The following ATXN7L1 variants were observed in gnomAD, a reference collection of about 807,000 sequenced individuals.
ATXN7L1 encodes ataxin 7 like 1, also known as ataxin-7-like protein 1.
ATXN7L1 carries 15 observed loss-of-function variants against 70.8 expected under a neutral mutation model. That is an observed-to-expected ratio of 0.21 (90% CI 0.14 to 0.33). The LOEUF is 0.33. Among genes scored for constraint, ATXN7L1 ranks in the 10% least tolerant of loss-of-function variants. The pLI is 1.00. For missense variants in ATXN7L1, 975 were observed against 1,097.1 expected, an observed-to-expected ratio of 0.89 and a Z score of 1.57; for synonymous variants, 440 against 445.1, an observed-to-expected ratio of 0.99 and a Z score of 0.14.
intron 3 of ATXN7L1, among the ~76,000 whole-genome samples, chr7:105,693,934 C>T (rs1791372768): frequency 6.6e-6 from 1 of 151,968 alleles, no homozygotes; most frequent in Admixed American, 6.6e-5. Context: ...ACATCCAAGA[C>T]CAAGGAAGGA....
chr7:105,617,374 GTA>G (rs1332156320), intron 9 of ATXN7L1, among the ~76,000 whole-genome samples: 10 of 152,202 alleles, frequency 6.6e-5, no homozygotes, highest in Admixed American at 6.5e-4. Context: ...CAATTAAATA[GTA>G]TAAATTCACA....
At chr7:105,751,894 C>T (rs1330962444) in intron 3 of ATXN7L1, among the ~76,000 whole-genome samples, 1 of 152,226 alleles carries the variant, frequency 6.6e-6, no homozygotes, top group Non-Finnish European at 1.5e-5. Context: ...CTTTCTTATA[C>T]TGGGCCTCCT....
intron 2 of ATXN7L1, among the ~76,000 whole-genome samples, chr7:105,868,470 T>G (rs1297319556): frequency 2.0e-5 from 3 of 152,188 alleles, no homozygotes; most frequent in Non-Finnish European, 4.4e-5. Flanking sequence ...GCTTAAATTG[T>G]TACCCTACTA....
chr7:105,808,503 C>A (rs1554470384), intron 2 of ATXN7L1, among the ~76,000 whole-genome samples: 1 of 152,220 alleles, frequency 6.6e-6, no homozygotes, highest in Non-Finnish European at 1.5e-5. Flanking sequence ...TCCAAATCCA[C>A]TCTCTGTGGT....
intron 2 of ATXN7L1, among the ~76,000 whole-genome samples, chr7:105,810,641 G>T (rs950288477): frequency 6.6e-6 from 1 of 152,212 alleles, no homozygotes; most frequent in Non-Finnish European, 1.5e-5. Context: ...CAGAGAAGGG[G>T]AGAGCCTAGG....
chr7:105,655,342 G>T (rs1354635803), intron 4 of ATXN7L1, among the ~76,000 whole-genome samples: 1 of 152,122 alleles, frequency 6.6e-6, no homozygotes, highest in Non-Finnish European at 1.5e-5. Flanking sequence ...CCTTCCCTCT[G>T]AAGTCCATTA....
intron 3 of ATXN7L1, among the ~76,000 whole-genome samples, chr7:105,770,211 T>C (rs893386790): frequency 6.6e-6 from 1 of 152,204 alleles, no homozygotes; most frequent in African/African-American, 2.4e-5. Context: ...ATGGAAAGCA[T>C]AGATGGCGTT....
chr7:105,855,898 T>C (rs1815650952), intron 2 of ATXN7L1, among the ~76,000 whole-genome samples: 1 of 152,210 alleles, frequency 6.6e-6, no homozygotes, highest in Admixed American at 6.5e-5. Flanking sequence ...ATAAGTTATA[T>C]GTAAATACTA....
chr7:105,835,528 A>G (rs993308836), intron 2 of ATXN7L1, among the ~76,000 whole-genome samples: 2 of 151,922 alleles, frequency 1.3e-5, no homozygotes, highest in African/African-American at 4.8e-5. Context: ...CTTTCAGACC[A>G]CGCACTTGAA....
intron 3 of ATXN7L1, among the ~76,000 whole-genome samples, chr7:105,675,719 T>A (rs1206434743): frequency 1.3e-5 from 2 of 152,148 alleles, no homozygotes; most frequent in Admixed American, 6.5e-5. Flanking sequence ...CTGTCTTTTT[T>A]AAAACTGTTT....
chr7:105,713,823 G>A (rs1794208256), intron 3 of ATXN7L1, among the ~76,000 whole-genome samples: 1 of 152,118 alleles, frequency 6.6e-6, no homozygotes, highest in Admixed American at 6.5e-5. Context: ...CAATTTTCTG[G>A]TACCCCACAG....
At position 105,644,109 on chromosome 7, in the gene ATXN7L1, G is replaced by A. The variant is rs543500710; in HGVS notation, c.579-988C>T. On this transcript the variant is annotated intron_variant, in intron 4 of 11. Transcript: ENST00000419735. ...CTACTTAGCTATTTGAATGCCAAAT[G>A]ATCTAGAATATGGCTTTTACATTCC... is the stretch of plus-strand genomic sequence containing the variant. 1.3e-5 allele frequency among the ~76,000 whole-genome samples: 2 copies of A among 152,286 alleles called. 1 individual carries two copies. The highest frequency in any genetic ancestry group is 1.3e-4 in the Admixed American group (2 of 15,308).
At chr7:105,838,304 G>A (rs1456827038) in intron 2 of ATXN7L1, among the ~76,000 whole-genome samples, 3 of 152,176 alleles carry the variant, frequency 2.0e-5, no homozygotes, top group Non-Finnish European at 4.4e-5. Flanking sequence ...GAAGACACTC[G>A]ACATTTTACC....
Position 105,774,242 on chromosome 7 carries a change from C to T in ATXN7L1, c.355+14362G>A, listed in dbSNP as rs137941897. ...ACCATCTAGCCCCTGCCTTCTTAAA[C>T]GCACCGGGAAACTTGATTCATGTTT... On this transcript the variant is annotated intron_variant, in intron 3 of 11. Transcript: ENST00000419735. Among the ~76,000 whole-genome samples the T allele has an allele frequency of 5.3e-3, 801 of 152,246 alleles. 8 individuals are homozygous for T. The highest frequency in any genetic ancestry group is 0.015 in the African/African-American group (633 of 41,526).
At chr7:105,617,925 C>T (rs907193025) in intron 9 of ATXN7L1, 16 of 456,522 alleles carry the variant, frequency 3.5e-5, no homozygotes, top group Non-Finnish European at 6.6e-5. Flanking sequence ...CCTCCAGGTT[C>T]GGGCCCGCCG....
chr7:105,817,727 T>G (rs1262330792), intron 2 of ATXN7L1, among the ~76,000 whole-genome samples: 1 of 152,118 alleles, frequency 6.6e-6, no homozygotes, highest in African/African-American at 2.4e-5. Context: ...GATCAGCCTG[T>G]GCAACACAGC....
intron 4 of ATXN7L1, among the ~76,000 whole-genome samples, chr7:105,658,947 G>A (rs1214602028): frequency 6.6e-6 from 1 of 152,182 alleles, no homozygotes; most frequent in East Asian, 1.9e-4. Flanking sequence ...GACCAGGCTG[G>A]CTAAGATGGT....
chr7:105,754,419 A>T (rs1799560978), intron 3 of ATXN7L1, among the ~76,000 whole-genome samples: 1 of 149,670 alleles, frequency 6.7e-6, no homozygotes. Flanking sequence ...TTTTTAAGAG[A>T]CAGAGTCTCA....
Position 105,662,704 on chromosome 7 carries a change from T to C in ATXN7L1, c.578+2362A>G, listed in dbSNP as rs1203388712. ...GTTTCTCTGTAGCTCATTTCTAGAC[T>C]CTGAATAAATTATTTGATCATTTTT... On this transcript the variant is annotated intron_variant, in intron 4 of 11. Transcript: ENST00000419735. 2.0e-5 allele frequency among the ~76,000 whole-genome samples: 3 copies of C among 152,202 alleles called. No individual in the cohort carries two copies. In the South Asian group the frequency reaches 6.2e-4, roughly 32 times the overall value.
Sources: allele counts gnomAD v4.1 joint callset (sites outside exome capture counted in the v4.1 genomes callset), GRCh38; gene constraint gnomAD v4.1.1; transcripts MANE v1.5; gene names NCBI Gene and HGNC (gene_info 2026-07-23, HGNC 2026-07-21).